GSN: variants seen among roughly 807,000 people sequenced by gnomAD.
GSN encodes the protein gelsolin.
In GSN, 56 loss-of-function variants were observed where a neutral mutation model predicts 85.7. The observed-to-expected ratio is 0.65, with a 90% CI of 0.53 to 0.82. The LOEUF is 0.82. Among genes scored for constraint, GSN ranks in the 40% least tolerant of loss-of-function variants. The probability of loss-of-function intolerance (pLI) is 0.00; values close to 1 mark genes in which losing one functional copy is unlikely to be tolerated. For missense variants in GSN, 857 were observed against 979.8 expected (o/e 0.87, Z 1.67); for synonymous variants, 373 against 399.1 (o/e 0.93, Z 0.78).
intron 4 of GSN, chr9:121,310,301 T>C: frequency 3.0e-6 from 1 of 335,896 alleles, no homozygotes; most frequent in Non-Finnish European, 5.8e-6. Flanking sequence ...AGGGGACTAG[T>C]GTGCCTTTGG....
intron 6 of GSN, among the ~76,000 whole-genome samples, chr9:121,248,910 A>AT (rs534183563): frequency 9.9e-5 from 15 of 152,248 alleles, no homozygotes; most frequent in African/African-American, 3.6e-4. Context: ...GCTGTTGAAG[A>AT]TTTTTAGGCA....
intron 4 of GSN, 114 bp from the exon 5 acceptor site, chr9:121,310,569 GA>G: frequency 1.1e-6 from 1 of 899,720 alleles, no homozygotes; most frequent in South Asian, 1.4e-5. Flanking sequence ...TGTGTTGCTG[GA>G]AAGCCCCTGG....
chr9:121,317,295 G>C, intron 8 of GSN, 77 bp downstream of exon 8: 1 of 1,489,968 alleles, frequency 6.7e-7, no homozygotes. Context: ...CAGGAACTCA[G>C]CTCCCGGGGA....
chr9:121,270,588 A>T (rs1001927677), intron 1 of GSN, among the ~76,000 whole-genome samples: 13 of 151,770 alleles, frequency 8.6e-5, no homozygotes, highest in Non-Finnish European at 1.2e-4. Flanking sequence ...CAGCATTGTA[A>T]CTTTTTTTTC....
intron 5 of GSN, among the ~76,000 whole-genome samples, chr9:121,245,103 G>T (rs541608220): frequency 6.6e-6 from 1 of 152,218 alleles, no homozygotes; most frequent in Non-Finnish European, 1.5e-5. Flanking sequence ...AGTTGATGAC[G>T]TAACCACACA....
chr9:121,263,848 C>T (rs553252026), upstream of GSN, among the ~76,000 whole-genome samples: 2 of 139,608 alleles, frequency 1.4e-5, no homozygotes, highest in Non-Finnish European at 3.0e-5. Flanking sequence ...GAGATTGCGC[C>T]ATTGCACTCC....
intron 5 of GSN, among the ~76,000 whole-genome samples, chr9:121,246,329 G>C (rs893973571): frequency 1.3e-5 from 2 of 152,186 alleles, no homozygotes; most frequent in African/African-American, 2.4e-5. Flanking sequence ...AGCTGCTGCA[G>C]TCACTTTGTG....
Position 121,328,252 on chromosome 9 carries a change from A to G in GSN, c.1763-639A>G, listed in dbSNP as rs551952345. On this transcript the variant is annotated intron_variant, in intron 14 of 17. Coordinates refer to ENST00000432226, the MANE Select transcript of GSN (RefSeq NM_198252.3). The stretch of plus-strand genomic sequence containing the variant: ...TTCATTCCCACCTGCTTGATGCTTA[A>G]CAGAAATGGTGAAGAGTGACTTGGT... Among the ~76,000 whole-genome samples, 6 of 152,300 alleles carry G rather than the reference A, an allele frequency of 3.9e-5. No individual in the cohort carries two copies. The South Asian group carries it at 6.2e-4, about 16-fold the overall frequency.
At chr9:121,222,805 G>C (rs550416192) in intron 4 of GSN, 1 of 152,136 alleles carries the variant, frequency 6.6e-6, no homozygotes, top group African/African-American at 2.4e-5. Flanking sequence ...ATTTTCTAGA[G>C]CAGGAACCAA....
In GSN at chr9:121,312,356, T is replaced by C; in HGVS notation, c.531T>C (p.Cys177=). The C allele has an allele frequency of 1.9e-6, 3 of 1,614,072 alleles. No homozygotes were observed. The highest frequency in any genetic ancestry group is 2.5e-6 in the Non-Finnish European group (3 of 1,179,990). ...TCTTCCAGAACATCCACCAGTGGTG[T>C]GGTTCCAACAGCAATCGGTATGAAA... The part of the protein sequence containing the change: ...LDLGNNIHQW[C]GSNSNRYERL... The change falls in exon 6 of 18, where the codon TGT becomes TGC. Residue 177 remains cysteine (C), a synonymous_variant. Transcript: ENST00000432226.
At chr9:121,253,437 G>C (rs2054881618) in intron 6 of GSN, among the ~76,000 whole-genome samples, 1 of 152,140 alleles carries the variant, frequency 6.6e-6, no homozygotes, top group African/African-American at 2.4e-5. Context: ...CAAGTACAGA[G>C]GCCCAGAGCT....
Position 121,327,482 on chromosome 9 carries a change from G to T in GSN, c.1762G>T (p.Asp588Tyr), listed in dbSNP as rs757684181. The T allele has an allele frequency of 9.6e-6, 15 of 1,563,342 alleles. No homozygotes were observed. In the Admixed American group the frequency reaches 1.7e-4, roughly 18 times the overall value. Reference protein sequence around the residue: ...PVQVAEGSEPDGFWEALGGKA... With the variant: ...PVQVAEGSEPYGFWEALGGKA... ...GCAGGTGGCAGAAGGCAGCGAGCCAGGTAGGAGCCGGGGTGGGGGGCCTGC... is the reference window on the plus strand; with the variant it reads ...GCAGGTGGCAGAAGGCAGCGAGCCATGTAGGAGCCGGGGTGGGGGGCCTGC... Residue 588 changes from aspartate to tyrosine, a missense_variant and splice_region_variant, in exon 14 of 18, where the codon GAT (aspartate) becomes TAT (tyrosine). By Grantham distance (160) the Asp-to-Tyr change is radical. Coordinates refer to ENST00000432226, the MANE Select transcript of GSN (RefSeq NM_198252.3).
intron 17 of GSN, 42 bp downstream of exon 17, chr9:121,331,490 G>GTCTTTT: frequency 8.3e-7 from 1 of 1,208,704 alleles, no homozygotes; most frequent in Non-Finnish European, 1.2e-6. Context: ...GGGGTCCGTT[G>GTCTTTT]CTTGTGGGGT....
At chr9:121,239,063 C>G (rs2054551252) in intron 5 of GSN, 1 of 409,554 alleles carries the variant, frequency 2.4e-6, no homozygotes, top group Non-Finnish European at 4.8e-6. Flanking sequence ...ATATCGTTGG[C>G]AGGCATGGTA....
intron 5 of GSN, chr9:121,238,577 G>A: frequency 4.9e-6 from 1 of 202,882 alleles, no homozygotes; most frequent in South Asian, 8.6e-5. Context: ...ACTATACTTT[G>A]TGAGCGTGTG....
At chr9:121,284,959 T>C (rs7046030) in intron 2 of GSN, 37,024 of 167,134 alleles carry the variant, frequency 0.22, 4,767 homozygotes, top group African/African-American at 0.37. Context: ...CTCTGTTCGG[T>C]TATCCCCGAA....
intron 10 of GSN, among the ~76,000 whole-genome samples, chr9:121,320,522 G>A (rs919188294): frequency 1.3e-5 from 2 of 152,098 alleles, no homozygotes; most frequent in Admixed American, 1.3e-4. Context: ...GCAGGCACCT[G>A]TAATCCCAGC....
At chr9:121,298,356 C>A (rs1588905125) in intron 2 of GSN, among the ~76,000 whole-genome samples, 1 of 152,234 alleles carries the variant, frequency 6.6e-6, no homozygotes, top group Admixed American at 6.5e-5. Flanking sequence ...CTCCACGAAG[C>A]CTTCTTATAA....
At chr9:121,308,376 T>G (rs906342893) in intron 4 of GSN, 5 of 152,294 alleles carry the variant, frequency 3.3e-5, no homozygotes, top group African/African-American at 1.2e-4. Flanking sequence ...TGAGTGATCT[T>G]TGCTCTAAGA....
Sources: allele counts gnomAD v4.1 joint callset (sites outside exome capture counted in the v4.1 genomes callset), GRCh38; gene constraint gnomAD v4.1.1; transcripts MANE v1.5; gene names NCBI Gene and HGNC (gene_info 2026-07-23, HGNC 2026-07-21).